NAF1: variants seen among roughly 807,000 people sequenced by gnomAD.
NAF1 encodes the protein nuclear assembly factor 1 ribonucleoprotein.
In NAF1, 11 loss-of-function variants were observed where a neutral mutation model predicts 40.6. The observed-to-expected ratio is 0.27, with a 90% confidence interval of 0.17 to 0.45. NAF1 has a LOEUF of 0.45. Ranked by LOEUF, NAF1 falls within the 20% of genes least tolerant of loss-of-function variation. NAF1 has a pLI of 1.00. For synonymous variants in NAF1, 260 were observed against 228.5 expected (o/e 1.14, Z -1.24); for missense variants, 607 against 611.1 (o/e 0.99, Z 0.07).
chr4:163,137,874 G>T (rs1378298638), intron 5 of NAF1, among the ~76,000 whole-genome samples: 3 of 152,126 alleles, frequency 2.0e-5, no homozygotes, highest in African/African-American at 7.2e-5. Flanking sequence ...TGACTGGCAT[G>T]TGTGAAATGT....
chr4:163,122,294 T>A (rs1220675324), downstream of NAF1, among the ~76,000 whole-genome samples: 4 of 152,198 alleles, frequency 2.6e-5, no homozygotes, highest in Non-Finnish European at 4.4e-5. Flanking sequence ...CAATTTTTTT[T>A]AAATATAGTT....
intron 2 of NAF1, among the ~76,000 whole-genome samples, chr4:163,156,268 TA>T (rs1404236940): frequency 8.4e-6 from 1 of 118,684 alleles, no homozygotes; most frequent in Non-Finnish European, 1.8e-5. Context: ...ACTAATAAAC[TA>T]AAAAAATTGA....
intron 2 of NAF1, among the ~76,000 whole-genome samples, chr4:163,150,698 C>G (rs1731664393): frequency 6.6e-6 from 1 of 152,100 alleles, no homozygotes; most frequent in African/African-American, 2.4e-5. Context: ...CAACATATAT[C>G]TGCCCTTTCA....
chr4:163,126,858 C>G, downstream of NAF1: 5 of 1,388,496 alleles, frequency 3.6e-6, no homozygotes, highest in Non-Finnish European at 4.7e-6. Flanking sequence ...GCACTTGAGT[C>G]CAGACCTTCC....
At chr4:163,161,652 C>A (rs544740274) in intron 2 of NAF1, among the ~76,000 whole-genome samples, 2 of 152,298 alleles carry the variant, frequency 1.3e-5, no homozygotes, top group East Asian at 3.9e-4. Flanking sequence ...ACTTCCATTT[C>A]TCCTGAGGTA....
intron 2 of NAF1, among the ~76,000 whole-genome samples, chr4:163,152,060 T>C (rs1731732124): frequency 6.6e-6 from 1 of 152,206 alleles, no homozygotes; most frequent in South Asian, 2.1e-4. Context: ...ATGGCTTTCA[T>C]TTTTCAGATG....
chr4:163,139,037 C>G (rs1223734957), intron 5 of NAF1, among the ~76,000 whole-genome samples: 1 of 152,026 alleles, frequency 6.6e-6, no homozygotes, highest in Non-Finnish European at 1.5e-5. Flanking sequence ...TCCTCCAGAT[C>G]TTTATGTAGA....
downstream of NAF1, among the ~76,000 whole-genome samples, chr4:163,124,430 AG>A (rs35429730): frequency 0.35 from 53,051 of 152,026 alleles, 10,855 homozygotes; most frequent in East Asian, 0.63. Flanking sequence ...ATAAGTGCAG[AG>A]CCCTCATGAC....
chr4:163,151,897 T>C (rs1731723630), intron 2 of NAF1, among the ~76,000 whole-genome samples: 1 of 152,176 alleles, frequency 6.6e-6, no homozygotes, highest in African/African-American at 2.4e-5. Flanking sequence ...CTATCTAATA[T>C]ATTTTATTGC....
intron 3 of NAF1, among the ~76,000 whole-genome samples, chr4:163,146,261 T>C (rs1372401506): frequency 6.6e-6 from 1 of 152,210 alleles, no homozygotes; most frequent in Non-Finnish European, 1.5e-5. Context: ...AAAAATTCTT[T>C]TCTACAAAGC....
At chr4:163,148,300 G>T in intron 3 of NAF1, 41 bp downstream of exon 3, 2 of 1,242,636 alleles carry the variant, frequency 1.6e-6, no homozygotes, top group Non-Finnish European at 2.2e-6. Flanking sequence ...TTATTAGTGT[G>T]TGTTTGGAAA....
downstream of NAF1, among the ~76,000 whole-genome samples, chr4:163,122,003 G>C (rs1730531482): frequency 2.0e-5 from 3 of 152,186 alleles, no homozygotes; most frequent in Admixed American, 2.0e-4. Context: ...ACGAAGCATT[G>C]AGCCAGTTTA....
intron 2 of NAF1, among the ~76,000 whole-genome samples, chr4:163,159,447 C>G (rs915520810): frequency 5.9e-5 from 9 of 152,028 alleles, no homozygotes; most frequent in Non-Finnish European, 7.4e-5. Context: ...TAAAAGAGGC[C>G]TGCATTCAGG....
chr4:163,107,480 CTCTT>C (rs1332905633), downstream of NAF1, among the ~76,000 whole-genome samples: 4 of 152,188 alleles, frequency 2.6e-5, no homozygotes, highest in Non-Finnish European at 2.9e-5. Flanking sequence ...AGAGCTTTCC[CTCTT>C]TCTGTTTCAG....
intron 6 of NAF1, among the ~76,000 whole-genome samples, chr4:163,136,500 A>G (rs997947305): frequency 6.6e-6 from 1 of 151,492 alleles, no homozygotes; most frequent in Non-Finnish European, 1.5e-5. Context: ...GAATATATTC[A>G]TTGTTGTAAT....
chr4:163,137,278 A>G (rs1423412953), intron 5 of NAF1, 28 bp from the exon 6 acceptor site: 1 of 1,594,452 alleles, frequency 6.3e-7, no homozygotes. Flanking sequence ...GGGAGTCAAA[A>G]AAGTATTCAT....
At chr4:163,106,408 T>C (rs1250718488), downstream of NAF1, among the ~76,000 whole-genome samples, 2 of 152,238 alleles carry the variant, frequency 1.3e-5, no homozygotes, top group African/African-American at 2.4e-5. Flanking sequence ...CCCACTGCTA[T>C]ACTTCAAGAA....
At chr4:163,106,728 G>A (rs1399684184), downstream of NAF1, among the ~76,000 whole-genome samples, 5 of 151,888 alleles carry the variant, frequency 3.3e-5, no homozygotes, top group Non-Finnish European at 7.4e-5. Flanking sequence ...TTAATCTTAT[G>A]TTTTCTGAGG....
At position 163,148,425 on chromosome 4, in the gene NAF1, A is replaced by G; in HGVS notation, c.550T>C (p.Ser184Pro). The change falls in exon 3 of 8, where the codon TCT (serine) becomes CCT (proline). Residue 184 changes from serine (S) to proline (P), a missense_variant. Physicochemically the swap from Ser to Pro is moderately conservative, Grantham distance 74 (BLOSUM62 -1). Transcript: ENST00000274054. ...KDELLLNELP[S>P]VEELTIILPE... is the part of the protein sequence containing the mutation. Reference sequence around the variant, plus strand: ...AGAATAATAGTGAGTTCTTCAACAGAAGGCAGTTCCTATAATTTAAAACAA... The same window carrying G: ...AGAATAATAGTGAGTTCTTCAACAGGAGGCAGTTCCTATAATTTAAAACAA... The G allele has an allele frequency of 6.4e-7, 1 of 1,572,816 alleles. No homozygotes were observed. The highest frequency in any genetic ancestry group is 1.2e-5 in the South Asian group (1 of 82,910).
Sources: gnomAD v4.1 joint callset for allele counts (sites outside exome capture counted in the v4.1 genomes callset) on GRCh38, gnomAD v4.1.1 for gene constraint, MANE v1.5 for transcripts, NCBI Gene and HGNC (gene_info 2026-07-23, HGNC 2026-07-21) for gene names.